STAG1: variants seen among roughly 807,000 people sequenced by gnomAD.
STAG1 encodes cohesin subunit SA-1.
In STAG1, 26 loss-of-function variants were observed where a neutral mutation model predicts 170.9. The observed-to-expected ratio is 0.15, with a 90% confidence interval of 0.11 to 0.21. The LOEUF is 0.21. Among genes scored for constraint, STAG1 ranks in the 10% least tolerant of loss-of-function variants. The pLI, the probability that STAG1 is intolerant of heterozygous loss-of-function variation, is 1.00. For missense variants in STAG1, 964 were observed against 1,509.5 expected, an observed-to-expected ratio of 0.64 and a Z score of 5.99; for synonymous variants, 514 against 497.7, an observed-to-expected ratio of 1.03 and a Z score of -0.44.
intron 21 of STAG1, among the ~76,000 whole-genome samples, chr3:136,415,334 C>CA (rs1337597277): frequency 1.2e-3 from 176 of 144,890 alleles, no homozygotes; most frequent in African/African-American, 2.6e-3. Flanking sequence ...AAAAGACAAA[C>CA]AAAAAAGTCA....
intron 5 of STAG1, among the ~76,000 whole-genome samples, chr3:136,547,624 C>T (rs1333245400): frequency 1.3e-5 from 2 of 152,168 alleles, no homozygotes; most frequent in South Asian, 2.1e-4. Context: ...TTTCATTTAG[C>T]ATAATGCCCT....
At chr3:136,730,036 G>A (rs1187793239) in intron 1 of STAG1, among the ~76,000 whole-genome samples, 2 of 151,594 alleles carry the variant, frequency 1.3e-5, no homozygotes, top group Admixed American at 6.6e-5. Flanking sequence ...CTACAGACAC[G>A]TGCCACTACG....
At chr3:136,490,804 T>C (rs936669360) in intron 9 of STAG1, among the ~76,000 whole-genome samples, 1 of 152,216 alleles carries the variant, frequency 6.6e-6, no homozygotes, top group Non-Finnish European at 1.5e-5. Flanking sequence ...CTTAAAGACA[T>C]CTGTTTTTCA....
intron 22 of STAG1, among the ~76,000 whole-genome samples, chr3:136,388,014 A>T (rs904694560): frequency 1.5e-4 from 23 of 152,220 alleles, no homozygotes; most frequent in Non-Finnish European, 5.9e-5. Flanking sequence ...CTACCCATTA[A>T]GTATGTTTAT....
chr3:136,596,372 A>G (rs1383307937), intron 4 of STAG1, among the ~76,000 whole-genome samples: 1 of 152,224 alleles, frequency 6.6e-6, no homozygotes, highest in African/African-American at 2.4e-5. Flanking sequence ...TCAGATGTTC[A>G]TTAGCGTTTT....
chr3:136,428,439 C>G (rs556041339), intron 16 of STAG1, among the ~76,000 whole-genome samples: 4 of 152,270 alleles, frequency 2.6e-5, no homozygotes, highest in East Asian at 1.9e-4. Flanking sequence ...CCCTGACCAA[C>G]CAGAACCCAG....
chr3:136,581,026 A>G (rs749207273), intron 4 of STAG1, among the ~76,000 whole-genome samples: 1 of 151,544 alleles, frequency 6.6e-6, no homozygotes, highest in East Asian at 1.9e-4. Context: ...GGAGAACAAA[A>G]ATTTTTTTGT....
At chr3:136,372,660 T>G (rs1433851000) in intron 23 of STAG1, among the ~76,000 whole-genome samples, 2 of 152,150 alleles carry the variant, frequency 1.3e-5, no homozygotes, top group Non-Finnish European at 2.9e-5. Flanking sequence ...TTATTGATTT[T>G]CCTATGTTGA....
At chr3:136,412,541 GT>G (rs1414364560) in intron 21 of STAG1, among the ~76,000 whole-genome samples, 3 of 152,184 alleles carry the variant, frequency 2.0e-5, no homozygotes, top group Admixed American at 6.5e-5. Flanking sequence ...AGTGATCAGA[GT>G]TAATAATATG....
Position 136,369,268 on chromosome 3 carries a change from G to A in STAG1, c.2385C>T (p.Leu795=). 1 of 1,589,664 alleles carries A rather than the reference G, an allele frequency of 6.3e-7. No individual in the cohort carries two copies. Among genetic ancestry groups the A allele is most frequent in the Non-Finnish European group, 8.5e-7 (1 of 1,173,624 alleles). Residue 795 remains leucine, a synonymous_variant, in exon 24 of 34, where the codon CTC becomes CTT. Coordinates refer to ENST00000383202, the MANE Select transcript of STAG1 (RefSeq NM_005862.3). The part of the protein sequence containing the change: ...TPVKEQAFML[L]CDLLMIFSHQ... ...GGCTGAAAATCATCAGAAGATCACAGAGTAACATGAAAGCCTGGAATACAA... is the reference window on the plus strand; with the variant it reads ...GGCTGAAAATCATCAGAAGATCACAAAGTAACATGAAAGCCTGGAATACAA...
At chr3:136,590,959 G>T (rs1297015294) in intron 4 of STAG1, among the ~76,000 whole-genome samples, 1 of 151,496 alleles carries the variant, frequency 6.6e-6, no homozygotes, top group African/African-American at 2.4e-5. Context: ...GGACCCCCCA[G>T]AAAAGCTGTA....
At chr3:136,339,991 AAAAG>A (rs778372792) in intron 32 of STAG1, among the ~76,000 whole-genome samples, 3 of 152,156 alleles carry the variant, frequency 2.0e-5, no homozygotes, top group Non-Finnish European at 2.9e-5. Flanking sequence ...AAAGAAGGTA[AAAAG>A]AAAGAACCAG....
chr3:136,603,142 A>G (rs1938753724), intron 4 of STAG1, among the ~76,000 whole-genome samples: 1 of 152,096 alleles, frequency 6.6e-6, no homozygotes, highest in Non-Finnish European at 1.5e-5. Flanking sequence ...AAAGTATACT[A>G]ATGAAAAGTT....
chr3:136,358,427 G>C (rs868630068), intron 27 of STAG1, among the ~76,000 whole-genome samples: 6 of 152,106 alleles, frequency 3.9e-5, no homozygotes, highest in Middle Eastern at 3.2e-3. Flanking sequence ...ACCCTGGACA[G>C]AGAATTATTA....
At chr3:136,745,920 G>A (rs13062352) in intron 1 of STAG1, among the ~76,000 whole-genome samples, 25,155 of 152,212 alleles carry the variant, frequency 0.17, 2,472 homozygotes, top group Non-Finnish European at 0.22. Context: ...TGGGCTGCAT[G>A]CAGCCCATGG....
intron 1 of STAG1, among the ~76,000 whole-genome samples, chr3:136,657,402 C>T (rs185081320): frequency 1.1e-3 from 170 of 151,990 alleles, no homozygotes; most frequent in African/African-American, 2.3e-3. Context: ...TTTCACCATG[C>T]TGGTCTCAAA....
At position 136,486,999 on chromosome 3, in the gene STAG1, C is replaced by CAAA. The variant is rs536392595; in HGVS notation, c.903-9590_903-9588dup. On this transcript the variant is annotated intron_variant, in intron 9 of 33. Coordinates refer to ENST00000383202, the MANE Select transcript of STAG1 (RefSeq NM_005862.3). ...CAATGCCGATTTTTTTTTATTTCTT[C>CAAA]AAAAAAAAAAAAAAAAAAAAAAAAA... 5.3e-4 allele frequency among the ~76,000 whole-genome samples: 29 copies of CAAA among 54,662 alleles called. 2 individuals are homozygous for CAAA. The highest frequency in any genetic ancestry group is 1.8e-3 in the African/African-American group (20 of 10,888). The allele number at this position is 54,662 out of a possible 152,430, so 35.9% of individuals were successfully genotyped here.
intron 1 of STAG1, among the ~76,000 whole-genome samples, chr3:136,747,318 T>G (rs1366503341): frequency 6.7e-6 from 1 of 148,278 alleles, no homozygotes; most frequent in East Asian, 2.0e-4. Context: ...GCTAGACCAA[T>G]CACACCACAG....
intron 3 of STAG1, among the ~76,000 whole-genome samples, chr3:136,614,274 T>C (rs192461914): frequency 6.2e-4 from 95 of 152,274 alleles, no homozygotes; most frequent in African/African-American, 2.2e-3. Context: ...ATTTTCAACA[T>C]CCTAATACAA....
Sources: gnomAD v4.1 joint callset for allele counts (sites outside exome capture counted in the v4.1 genomes callset) on GRCh38, gnomAD v4.1.1 for gene constraint, MANE v1.5 for transcripts, NCBI Gene and HGNC (gene_info 2026-07-23, HGNC 2026-07-21) for gene names.